The following DNAAF9 variants were observed in gnomAD, a reference collection of about 807,000 sequenced individuals.
DNAAF9 encodes the protein dynein axonemal assembly factor 9, also known as shulin.
A neutral mutation model predicts 167.0 loss-of-function variants in DNAAF9; 90 were observed. That is an observed-to-expected ratio of 0.54 (90% confidence interval 0.45 to 0.64). DNAAF9 has a LOEUF of 0.64. Among genes scored for constraint, DNAAF9 ranks in the 30% least tolerant of loss-of-function variants. The probability of loss-of-function intolerance (pLI) is 0.00; values close to 1 mark genes in which losing one functional copy is unlikely to be tolerated. For synonymous variants in DNAAF9, 491 were observed against 508.8 expected (o/e 0.96, Z 0.47); for missense variants, 1,315 against 1,442.2 (o/e 0.91, Z 1.43).
rs894802427 is a variant in DNAAF9, at chr20:3,283,232, G to T, written c.2487-1466C>A. ...GCAGCTTTTCTGATCAGATGGGCCT[G>T]GTTTAGCCTGAGCCCTTTGGAAGCC... is the stretch of plus-strand genomic sequence containing the variant. On this transcript the variant is annotated intron_variant, in intron 27 of 36. Transcript: ENST00000252032. Among the ~76,000 whole-genome samples, 7 of 152,216 alleles carry T rather than the reference G, an allele frequency of 4.6e-5. No individual in the cohort carries two copies. In the East Asian group the frequency reaches 1.3e-3, roughly 29 times the overall value.
chr20:3,366,917 T>C (rs1274924127), intron 6 of DNAAF9, among the ~76,000 whole-genome samples: 1 of 150,412 alleles, frequency 6.6e-6, no homozygotes, highest in Admixed American at 6.6e-5. Context: ...ACGGTGAGAC[T>C]CTGCCTCAAA....
rs148072811 is a variant in DNAAF9 at position 3,315,553 on chromosome 20, T to C, written c.1590+182A>G. Among the ~76,000 whole-genome samples, 8 of 152,248 alleles carry C rather than the reference T, an allele frequency of 5.3e-5. No homozygotes were observed. The highest frequency in any genetic ancestry group is 1.9e-4 in the African/African-American group (8 of 41,546). ...GGAATAAAGAATCCCTCTAATTGTA[T>C]CCCCCATAAATGGTTATTTCTAAAG... On this transcript the variant is annotated intron_variant, in intron 19 of 36. Coordinates refer to ENST00000252032, the MANE Select transcript of DNAAF9 (RefSeq NM_001009984.3). This position sits in a 1 kb window ranked among gnomAD's most constrained non-coding sequence, Gnocchi z 4.1.
At chr20:3,279,049 A>G (rs74852892) in intron 28 of DNAAF9, 100 bp from the exon 29 acceptor site, 25,333 of 847,082 alleles carry the variant, frequency 0.03, 559 homozygotes, top group African/African-American at 0.094. Context: ...AAGCAAATTG[A>G]CTCACATGAT....
intron 5 of DNAAF9, among the ~76,000 whole-genome samples, chr20:3,374,534 A>G (rs561434098): frequency 6.6e-6 from 1 of 152,354 alleles, no homozygotes; most frequent in East Asian, 1.9e-4. Context: ...AACTTCCTCA[A>G]GGGAAAACTA....
intron 13 of DNAAF9, among the ~76,000 whole-genome samples, chr20:3,325,226 G>A (rs994960409): frequency 6.6e-6 from 1 of 152,194 alleles, no homozygotes; most frequent in Non-Finnish European, 1.5e-5. Flanking sequence ...GGAACCTGAC[G>A]TGCTGGATCC....
At chr20:3,264,936 T>C (rs2068460356) in intron 30 of DNAAF9, among the ~76,000 whole-genome samples, 1 of 152,206 alleles carries the variant, frequency 6.6e-6, no homozygotes, top group Non-Finnish European at 1.5e-5. Flanking sequence ...CATTTTTGTT[T>C]TTTTCTGCCA....
intron 1 of DNAAF9, among the ~76,000 whole-genome samples, chr20:3,398,629 G>A (rs1032605049): frequency 3.9e-5 from 6 of 152,144 alleles, no homozygotes; most frequent in Non-Finnish European, 8.8e-5. Flanking sequence ...AACAATTCTT[G>A]AAACTTTTCT....
rs759715542 is a variant in DNAAF9, at chr20:3,287,737, T to C, written c.2381A>G (p.His794Arg). The stretch of plus-strand genomic sequence containing the variant: ...GGCACTGGAAAGGTATCTCTGGAAG[T>C]GTGCAGCATGAAAACATTCAGAGCT... The part of the protein sequence containing the change: ...MDSSECFHAA[H>R]FQRYLSSALE... Residue 794 changes from histidine (H) to arginine (R), a missense_variant, in exon 27 of 37, where the codon CAC (histidine) becomes CGC (arginine). This residue lies in a region of DNAAF9 where 981 missense variants were observed against 1,012.5 expected (regional missense o/e 0.97). Coordinates refer to ENST00000252032, the MANE Select transcript of DNAAF9 (RefSeq NM_001009984.3). 6.2e-7 allele frequency: 1 copy of C among 1,614,196 alleles called. No homozygotes were observed. The highest frequency in any genetic ancestry group is 8.5e-7 in the Non-Finnish European group (1 of 1,180,012).
At chr20:3,331,776 C>T (rs531000253) in intron 11 of DNAAF9, among the ~76,000 whole-genome samples, 12 of 152,266 alleles carry the variant, frequency 7.9e-5, no homozygotes, top group Non-Finnish European at 1.2e-4. Context: ...CAAGTTCAAG[C>T]GATTATGGTG....
chr20:3,345,656 T>C (rs1232386202), intron 8 of DNAAF9, among the ~76,000 whole-genome samples: 1 of 152,130 alleles, frequency 6.6e-6, no homozygotes, highest in Non-Finnish European at 1.5e-5. Context: ...TTACAGCCTT[T>C]CCCTATATAA....
At chr20:3,280,106 T>C (rs1190406652) in intron 28 of DNAAF9, among the ~76,000 whole-genome samples, 2 of 152,094 alleles carry the variant, frequency 1.3e-5, no homozygotes, top group Non-Finnish European at 2.9e-5. Flanking sequence ...TCATAGTTTC[T>C]GAAGAATTCC....
In DNAAF9 at chr20:3,250,300, G is replaced by C. The variant is rs1220685800; in HGVS notation, c.*2272C>G. ...GAACAGAGAGGCCTGGCAGGTTCCA[G>C]GAGGCATCCCCTGGCCTCAGTCCTC... On this transcript the variant is annotated 3_prime_UTR_variant, in exon 37 of 37. Transcript: ENST00000252032. 6.6e-6 allele frequency: 1 copy of C among 152,276 alleles called. No homozygotes were observed. Among genetic ancestry groups the C allele is most frequent in the Non-Finnish European group, 1.5e-5 (1 of 68,092 alleles). The allele number at this position is 152,276 out of a possible 1,614,324, so 9.4% of individuals were successfully genotyped here. A position where few individuals can be genotyped will look rare whatever the true frequency, so the allele number is the denominator to read the frequency against.
rs772723594 is a variant in DNAAF9 at position 3,256,023 on chromosome 20, G to A, written c.3244C>T (p.Arg1082Trp). ...LKEDSIKDWL[R>W]QSAKQKPQRK... ...GAAACCACCTGCTTAGCTGACTGCC[G>A]CAGCCAGTCCTTGATGCTGTCTTCC... is the stretch of plus-strand genomic sequence containing the variant. Residue 1082 changes from arginine (R) to tryptophan (W), a missense_variant, in exon 34 of 37, where the codon CGG (arginine) becomes TGG (tryptophan). By Grantham distance (101) the Arg-to-Trp change is moderately radical. Transcript: ENST00000252032. 23 of 1,612,320 alleles carry A rather than the reference G, an allele frequency of 1.4e-5. No individual in the cohort carries two copies. The highest frequency in any genetic ancestry group is 1.3e-4 in the Admixed American group (8 of 59,988).
intron 31 of DNAAF9, among the ~76,000 whole-genome samples, chr20:3,263,037 T>C (rs2068422813): frequency 7.0e-6 from 1 of 142,334 alleles, no homozygotes; most frequent in Admixed American, 7.6e-5. Flanking sequence ...TGCAGTGGCG[T>C]GATCTCAGCT....
intron 29 of DNAAF9, among the ~76,000 whole-genome samples, chr20:3,277,382 C>T (rs2068691966): frequency 1.3e-5 from 2 of 152,192 alleles, no homozygotes; most frequent in Non-Finnish European, 2.9e-5. Flanking sequence ...ACCCTCACCC[C>T]ATCTCTAGCC....
At chr20:3,336,882 CTTTTTT>C (rs34461289) in intron 10 of DNAAF9, among the ~76,000 whole-genome samples, 50 of 133,928 alleles carry the variant, frequency 3.7e-4, no homozygotes, top group Admixed American at 1.5e-4. Context: ...TTTCCTTTTT[CTTTTTT>C]TTTTTTTTTT....
intron 27 of DNAAF9, among the ~76,000 whole-genome samples, chr20:3,287,392 C>T (rs2068870078): frequency 6.6e-6 from 1 of 152,216 alleles, no homozygotes; most frequent in Admixed American, 6.5e-5. Flanking sequence ...CCCTAATTCC[C>T]CACCTTGTGG....
chr20:3,382,363 T>C (rs2083666545), intron 2 of DNAAF9, 64 bp downstream of exon 2: 1 of 1,197,008 alleles, frequency 8.4e-7, no homozygotes, highest in East Asian at 2.4e-5. Context: ...TACTAATACC[T>C]TCCTGTGAAC....
chr20:3,324,661 C>T (rs548086580), intron 14 of DNAAF9, among the ~76,000 whole-genome samples: 22 of 152,146 alleles, frequency 1.4e-4, no homozygotes, highest in Non-Finnish European at 2.8e-4. Flanking sequence ...TGTTAATCTG[C>T]CCTGCATTCT....
Sources: allele counts gnomAD v4.1 joint callset (sites outside exome capture counted in the v4.1 genomes callset), GRCh38; gene constraint gnomAD v4.1.1; regional missense constraint gnomAD v4.1.1; non-coding constraint Gnocchi (gnomAD v3.1); transcripts MANE v1.5; gene names NCBI Gene and HGNC (gene_info 2026-07-23, HGNC 2026-07-21).